ACTR3B: variants seen among roughly 807,000 people sequenced by gnomAD.
ACTR3B encodes the protein actin related protein 3B, also known as actin-related protein 3B.
In ACTR3B, 8 loss-of-function variants were observed where a neutral mutation model predicts 59.0. That is an observed-to-expected ratio of 0.14 (90% CI 0.08 to 0.24). The LOEUF (loss-of-function observed/expected upper bound fraction) is 0.24, where lower values mean the gene tolerates loss of function less well. Among genes scored for constraint, ACTR3B ranks in the 10% least tolerant of loss-of-function variants. The probability of loss-of-function intolerance (pLI) is 1.00; values close to 1 mark genes in which losing one functional copy is unlikely to be tolerated. For missense variants in ACTR3B, 245 were observed against 552.3 expected (o/e 0.44, Z 5.58); for synonymous variants, 148 against 197.9 (o/e 0.75, Z 2.12).
At chr7:152,853,327 G>C (rs1798983261) in intron 10 of ACTR3B, among the ~76,000 whole-genome samples, 167 bp from the exon 11 acceptor site, 1 of 152,082 alleles carries the variant, frequency 6.6e-6, no homozygotes, top group Admixed American at 6.6e-5. Context: ...GGTCTTAGGG[G>C]GATTTGGCAG....
intron 3 of ACTR3B, 51 bp downstream of exon 3, chr7:152,800,706 GTAA>G: frequency 6.3e-7 from 1 of 1,576,930 alleles, no homozygotes; most frequent in Non-Finnish European, 8.6e-7. Context: ...AGTAGGATGA[GTAA>G]TGCAAAATGG....
chr7:152,815,682 G>A (rs1043265110), intron 5 of ACTR3B, among the ~76,000 whole-genome samples: 6 of 152,086 alleles, frequency 3.9e-5, no homozygotes, highest in African/African-American at 1.2e-4. Context: ...CCGCCCCGAC[G>A]AAGAAAATGG....
chr7:152,768,818 A>G (rs1042294636), intron 1 of ACTR3B, among the ~76,000 whole-genome samples: 4 of 151,462 alleles, frequency 2.6e-5, no homozygotes, highest in African/African-American at 7.3e-5. Context: ...ATGTGTCTAT[A>G]TGAACTACCT....
At chr7:152,825,583 C>T (rs1242768533) in intron 9 of ACTR3B, among the ~76,000 whole-genome samples, 2 of 152,104 alleles carry the variant, frequency 1.3e-5, no homozygotes, top group African/African-American at 4.8e-5. Flanking sequence ...TCCCAAAGTG[C>T]TGGGATTACA....
At position 152,824,907 on chromosome 7, in the gene ACTR3B, C is replaced by T. The variant is rs540097958; in HGVS notation, c.859-123C>T. On this transcript the variant is annotated intron_variant, in intron 8 of 11. Coordinates refer to ENST00000256001, the MANE Select transcript of ACTR3B (RefSeq NM_020445.6). This position sits in a 1 kb window ranked among gnomAD's most constrained non-coding sequence, Gnocchi z 4.2. ...GATTCATTTGACATATCCTTCATTC[C>T]AATGTGAATTCTTTTAAGTTATAAT... is the stretch of plus-strand genomic sequence containing the variant. 1.0e-3 allele frequency: 1,158 copies of T among 1,115,726 alleles called. 2 individuals are homozygous for T. The highest frequency in any genetic ancestry group is 1.7e-3 in the Middle Eastern group (7 of 4,218). 69.1% of individuals were successfully genotyped at this position (1,115,726 alleles called of 1,614,324 possible).
chr7:152,823,940 G>T (rs572002142), intron 8 of ACTR3B, among the ~76,000 whole-genome samples: 21 of 152,212 alleles, frequency 1.4e-4, no homozygotes, highest in African/African-American at 4.3e-4. Context: ...TGGACAGTTG[G>T]TCCTGCTCTA....
At chr7:152,793,955 G>A (rs1371968011) in intron 2 of ACTR3B, among the ~76,000 whole-genome samples, 1 of 151,962 alleles carries the variant, frequency 6.6e-6, no homozygotes, top group Non-Finnish European at 1.5e-5. Flanking sequence ...GCTGGGCTGG[G>A]GTGGAAGTGG....
intron 2 of ACTR3B, among the ~76,000 whole-genome samples, chr7:152,785,013 G>C (rs1302094140): frequency 6.6e-6 from 1 of 152,104 alleles, no homozygotes; most frequent in South Asian, 2.1e-4. Context: ...GAATGCCCCA[G>C]AACCTGATCA....
intron 9 of ACTR3B, 82 bp downstream of exon 9, chr7:152,825,204 A>G (rs1361277684): frequency 1.6e-5 from 21 of 1,327,630 alleles, no homozygotes; most frequent in Admixed American, 1.3e-4. Context: ...ATTACTGTCT[A>G]TTACTAGTAA....
intron 9 of ACTR3B, among the ~76,000 whole-genome samples, chr7:152,845,552 G>A (rs777579730): frequency 1.3e-5 from 2 of 152,228 alleles, no homozygotes; most frequent in Non-Finnish European, 2.9e-5. Flanking sequence ...GAGGAAGCAG[G>A]GATTCTGAAT....
At position 152,807,346 on chromosome 7, in the gene ACTR3B, A is replaced by G. The variant is rs554839895; in HGVS notation, c.336+5615A>G. On this transcript the variant is annotated intron_variant, in intron 4 of 11. Transcript: ENST00000256001. ...TTAAAATGATTTTACACCCAATATTATACTCCTCATTTCCTTACAGTTTTC... is the reference window on the plus strand; with the variant it reads ...TTAAAATGATTTTACACCCAATATTGTACTCCTCATTTCCTTACAGTTTTC... Among the ~76,000 whole-genome samples, 71 of 152,006 alleles carry G rather than the reference A, an allele frequency of 4.7e-4. 1 individual carries two copies. The South Asian group carries it at 0.014, about 30-fold the overall frequency.
intron 7 of ACTR3B, 33 bp from the exon 8 acceptor site, chr7:152,823,309 A>T (rs1275497002): frequency 6.2e-7 from 1 of 1,607,144 alleles, no homozygotes; most frequent in African/African-American, 1.3e-5. Context: ...GGCAGTTGTT[A>T]ATGCCTGGCA....
rs5888484 is a variant in ACTR3B, at chr7:152,769,869, TAA to T, written c.44+9957_44+9958del. Among the ~76,000 whole-genome samples, 712 of 139,368 alleles carry T rather than the reference TAA, an allele frequency of 5.1e-3. 7 individuals are homozygous for T. The highest frequency in any genetic ancestry group is 0.014 in the African/African-American group (538 of 38,094). 91.4% of individuals were successfully genotyped at this position (139,368 alleles called of 152,430 possible). On this transcript the variant is annotated intron_variant, in intron 1 of 11. Coordinates refer to ENST00000256001, the MANE Select transcript of ACTR3B (RefSeq NM_020445.6). ...TTTCTCCGTTTCAGCATCTGATTTG[TAA>T]AAAAAAAAAAAAAGCCTTTTACTTC...
chr7:152,765,178 C>T (rs1312135493), intron 1 of ACTR3B, among the ~76,000 whole-genome samples: 3 of 122,106 alleles, frequency 2.5e-5, no homozygotes, highest in East Asian at 5.4e-4. Context: ...AGTAGAATGG[C>T]GCGATCTTGG....
rs1370222986 is a variant in ACTR3B at position 152,759,791 on chromosome 7, A to G, written c.-92A>G. On this transcript the variant is annotated 5_prime_UTR_variant, in exon 1 of 12. Coordinates refer to ENST00000256001, the MANE Select transcript of ACTR3B (RefSeq NM_020445.6). ...CAGCGGCGCTGCGGCGGCTCGCGGGAGACGCTGCGCGCGGGGCTAGCGGGC... is the reference window on the plus strand; with the variant it reads ...CAGCGGCGCTGCGGCGGCTCGCGGGGGACGCTGCGCGCGGGGCTAGCGGGC... The G allele has an allele frequency of 1.2e-5, 12 of 1,027,042 alleles. No individual in the cohort carries two copies. In the East Asian group the frequency reaches 3.8e-4, roughly 33 times the overall value. The allele number at this position is 1,027,042 out of a possible 1,614,324, so 63.6% of individuals were successfully genotyped here. A position where few individuals can be genotyped will look rare whatever the true frequency, so the allele number is the denominator to read the frequency against.
chr7:152,797,824 C>T (rs2098222559), intron 2 of ACTR3B, among the ~76,000 whole-genome samples: 1 of 152,134 alleles, frequency 6.6e-6, no homozygotes, highest in South Asian at 2.1e-4. Context: ...TAACATAGTG[C>T]CCTCGAGGTT....
At chr7:152,836,802 TA>T (rs1563146231) in intron 9 of ACTR3B, among the ~76,000 whole-genome samples, 1 of 152,218 alleles carries the variant, frequency 6.6e-6, no homozygotes, top group Non-Finnish European at 1.5e-5. Flanking sequence ...TTTAAAATGT[TA>T]AAATGTTATT....
At chr7:152,843,021 T>C (rs1169600339) in intron 9 of ACTR3B, among the ~76,000 whole-genome samples, 1 of 152,240 alleles carries the variant, frequency 6.6e-6, no homozygotes, top group African/African-American at 2.4e-5. Flanking sequence ...TTGAATCTTT[T>C]GCCCAATTTT....
intron 2 of ACTR3B, among the ~76,000 whole-genome samples, chr7:152,788,954 C>T (rs978644239): frequency 5.4e-5 from 8 of 147,958 alleles, no homozygotes; most frequent in Middle Eastern, 3.5e-3. Context: ...ACCTGGGAGT[C>T]GAGGTTGCAG....
Sources: allele counts gnomAD v4.1 joint callset (sites outside exome capture counted in the v4.1 genomes callset), GRCh38; gene constraint gnomAD v4.1.1; non-coding constraint Gnocchi (gnomAD v3.1); transcripts MANE v1.5; gene names NCBI Gene and HGNC (gene_info 2026-07-23, HGNC 2026-07-21).